The following SNED1 variants were observed in gnomAD, a reference collection of about 807,000 sequenced individuals.
SNED1 encodes sushi, nidogen and EGF like domains 1.
In SNED1, 81 loss-of-function variants were observed where a neutral mutation model predicts 166.7. The observed-to-expected ratio is 0.49, with a 90% CI of 0.41 to 0.58. The LOEUF (loss-of-function observed/expected upper bound fraction) is 0.58, where lower values mean the gene tolerates loss of function less well. SNED1 is among the 20% of genes least tolerant of loss of function. The pLI, the probability that SNED1 is intolerant of heterozygous loss-of-function variation, is 0.00. For missense variants in SNED1, 1,604 were observed against 2,000.2 expected (o/e 0.80, Z 3.78); for synonymous variants, 762 against 822.0 (o/e 0.93, Z 1.25).
intron 27 of SNED1, among the ~76,000 whole-genome samples, chr2:241,078,200 C>T (rs912280330): frequency 9.3e-5 from 14 of 151,238 alleles, no homozygotes; most frequent in Admixed American, 5.9e-4. Context: ...CTGGCCAACG[C>T]GGTGAAACCC....
intron 1 of SNED1, among the ~76,000 whole-genome samples, chr2:241,019,611 G>A (rs1433784686): frequency 6.6e-6 from 1 of 152,194 alleles, no homozygotes; most frequent in Non-Finnish European, 1.5e-5. Context: ...GGCGGCACAG[G>A]GTCCCTGTCA....
At chr2:241,067,249 A>G (rs2062493850) in intron 21 of SNED1, among the ~76,000 whole-genome samples, 1 of 152,226 alleles carries the variant, frequency 6.6e-6, no homozygotes, top group African/African-American at 2.4e-5. Context: ...GTGCATCAGC[A>G]GTGGCACTGG....
intron 1 of SNED1, among the ~76,000 whole-genome samples, chr2:241,020,792 C>T (rs1299766719): frequency 1.3e-5 from 2 of 152,124 alleles, no homozygotes; most frequent in Non-Finnish European, 2.9e-5. Flanking sequence ...CCTCTCGACT[C>T]CAGCAGGCTT....
intron 2 of SNED1, chr2:241,033,522 C>T: frequency 1.8e-6 from 1 of 548,112 alleles, no homozygotes; most frequent in Non-Finnish European, 3.2e-6. Flanking sequence ...TTGTGGGTTG[C>T]AGACGGCCTC....
chr2:241,036,781 T>C lies in SNED1; in HGVS notation c.806-9T>C. The C allele has an allele frequency of 1.9e-6, 3 of 1,606,694 alleles. No homozygotes were observed. The highest frequency in any genetic ancestry group is 2.5e-6 in the Non-Finnish European group (3 of 1,179,534). ...CGGCTGAGGCTCCAGCCCCTCCCTA[T>C]GTCTGCAGCGTCCGTGTGCCTGGCC... On this transcript the variant is annotated splice_polypyrimidine_tract_variant and intron_variant, in intron 4 of 31. Transcript: ENST00000310397.
Position 241,012,597 on chromosome 2 carries a change from ATTG to A in SNED1, c.213+13556_213+13558del, listed in dbSNP as rs1047649934. Among the ~76,000 whole-genome samples, 15 of 152,274 alleles carry A rather than the reference ATTG, an allele frequency of 9.9e-5. No individual in the cohort carries two copies. In the East Asian group the frequency reaches 1.2e-3, roughly 12 times the overall value. ...ACAGTGGTACACATTTGGGTCTGCT[ATTG>A]TTGTTGTTTTAATTGAATTTTTCCA... On this transcript the variant is annotated intron_variant, in intron 1 of 31. Coordinates refer to ENST00000310397, the MANE Select transcript of SNED1 (RefSeq NM_001080437.3).
chr2:241,053,740 A>G (rs1477768822), intron 16 of SNED1, among the ~76,000 whole-genome samples: 1 of 152,058 alleles, frequency 6.6e-6, no homozygotes, highest in Non-Finnish European at 1.5e-5. Context: ...CCCTGCAGGC[A>G]TTTGAGGAGT....
chr2:241,018,227 C>G lies in SNED1; in HGVS notation c.214-12057C>G, dbSNP rs2060659280. 6.6e-6 allele frequency among the ~76,000 whole-genome samples: 1 copy of G among 152,254 alleles called. No homozygotes were observed. Among genetic ancestry groups the G allele is most frequent in the Non-Finnish European group, 1.5e-5 (1 of 68,048 alleles). On this transcript the variant is annotated intron_variant, in intron 1 of 31. Transcript: ENST00000310397. The surrounding 1 kb of genome is among the most constrained non-coding windows in gnomAD (Gnocchi z 5.4). Reference sequence around the variant, plus strand: ...GCTTTGGTCACCATACACGACGTAACCCACAGGCGCTCAGATGACGGGGAA... The same window carrying G: ...GCTTTGGTCACCATACACGACGTAAGCCACAGGCGCTCAGATGACGGGGAA...
intron 8 of SNED1, among the ~76,000 whole-genome samples, chr2:241,041,697 C>T (rs983780492): frequency 6.6e-6 from 1 of 151,796 alleles, no homozygotes; most frequent in African/African-American, 2.4e-5. Flanking sequence ...TAAAAAAAAA[C>T]AAAAGAGGAA....
In SNED1 at chr2:241,036,839, C is replaced by T; in HGVS notation, c.855C>T (p.Ile285=). The T allele has an allele frequency of 2.5e-6, 4 of 1,611,382 alleles. No homozygotes were observed. Among genetic ancestry groups the T allele is most frequent in the Non-Finnish European group, 3.4e-6 (4 of 1,179,682 alleles). ...LRPCLNGGKC[I]DDCVTGNPSY... is the part of the protein sequence containing the mutation. Reference sequence around the variant, plus strand: ...CCTGCCTCAACGGCGGCAAGTGCATCGACGACTGCGTCACGGGCAACCCCT... The same window carrying T: ...CCTGCCTCAACGGCGGCAAGTGCATTGACGACTGCGTCACGGGCAACCCCT... Residue 285 remains isoleucine, a synonymous_variant, in exon 5 of 32, where the codon ATC becomes ATT. Transcript: ENST00000310397.
At chr2:241,090,093 C>T (rs937015258) in intron 31 of SNED1, 1 of 1,505,946 alleles carries the variant, frequency 6.6e-7, no homozygotes, top group African/African-American at 1.4e-5. Flanking sequence ...TTACTTTATA[C>T]ATTTTTAATT....
intron 1 of SNED1, chr2:241,010,041 T>G (rs1003460217): frequency 6.6e-6 from 1 of 152,274 alleles, no homozygotes; most frequent in Admixed American, 6.5e-5. Flanking sequence ...ATAAAAGACA[T>G]GCCTGCATTT....
chr2:240,998,994 C>A lies in SNED1; in HGVS notation c.157C>A (p.Leu53Met). The A allele has an allele frequency of 7.5e-7, 1 of 1,326,900 alleles. No individual in the cohort carries two copies. Among genetic ancestry groups the A allele is most frequent in the Non-Finnish European group, 9.7e-7 (1 of 1,035,196 alleles). 82.2% of individuals were successfully genotyped at this position (1,326,900 alleles called of 1,614,324 possible). The change falls in exon 1 of 32, where the codon CTG (leucine) becomes ATG (methionine). Residue 53 changes from leucine (L) to methionine (M), a missense_variant. Physicochemically the swap from Leu to Met is conservative, Grantham distance 15 (BLOSUM62 2). Transcript: ENST00000310397. ...CAAGCAGGACGACGGCGGCTCGGGG[C>A]TGCGGCCGCTCTCGGTGCCCTTCCC... ...TPKQDDGGSG[L>M]RPLSVPFPFF...
At position 241,070,078 on chromosome 2, in the gene SNED1, C is replaced by G; in HGVS notation, c.3466C>G (p.Leu1156Val). 2 of 1,613,132 alleles carry G rather than the reference C, an allele frequency of 1.2e-6. No homozygotes were observed. The highest frequency in any genetic ancestry group is 1.7e-6 in the Non-Finnish European group (2 of 1,179,894). The change falls in exon 24 of 32, where the codon CTG becomes GTG. Residue 1156 changes from leucine (L) to valine (V), a missense_variant. This residue lies in a region of SNED1 where 367 missense variants were observed against 379.4 expected (regional missense o/e 0.97). Coordinates refer to ENST00000310397, the MANE Select transcript of SNED1 (RefSeq NM_001080437.3). Reference protein sequence around the residue: ...TKSRYVPNGKLASYTVRDLLP... With the variant: ...TKSRYVPNGKVASYTVRDLLP... ...GAGCCGCTATGTCCCCAACGGGAAG[C>G]TGGCGTCCTACACGGTGCGCGACCT...
chr2:240,998,915 G>T lies in SNED1; in HGVS notation c.78G>T (p.Val26=). The T allele has an allele frequency of 8.0e-7, 1 of 1,245,910 alleles. No individual in the cohort carries two copies. The highest frequency in any genetic ancestry group is 1.0e-6 in the Non-Finnish European group (1 of 994,622). The allele number at this position is 1,245,910 out of a possible 1,614,324, so 77.2% of individuals were successfully genotyped here. A position where few individuals can be genotyped will look rare whatever the true frequency, so the allele number is the denominator to read the frequency against. ...GLGARGVRGA[V]ALADFYPFGA... is the part of the protein sequence containing the mutation. The stretch of plus-strand genomic sequence containing the variant: ...GGGCGCGCGGGGTGCGCGGCGCGGT[G>T]GCCCTTGCCGACTTCTACCCGTTCG... The change falls in exon 1 of 32, where the codon GTG becomes GTT. Residue 26 remains valine, a synonymous_variant. Transcript: ENST00000310397.
chr2:241,002,379 C>T (rs1574829176), intron 1 of SNED1, among the ~76,000 whole-genome samples: 1 of 152,214 alleles, frequency 6.6e-6, no homozygotes, highest in Admixed American at 6.5e-5. Context: ...AATGCAGGAG[C>T]CCCTTGGCTG....
rs1356300900 is a variant in SNED1, at chr2:241,049,082, A to G, written c.1565A>G (p.Glu522Gly). ...TQCPDGGYCM[E>G]HGGSYLCVCH... ...TGCCCAGATGGGGGCTACTGCATGG[A>G]GCACGGCGGGAGCTACCTCTGCGTC... Residue 522 changes from glutamate (E) to glycine (G), a missense_variant, in exon 11 of 32, where the codon GAG becomes GGG. Glu to Gly is a moderately conservative substitution (Grantham distance 98). Transcript: ENST00000310397. 1.2e-6 allele frequency: 2 copies of G among 1,613,412 alleles called. No homozygotes were observed. Among genetic ancestry groups the G allele is most frequent in the African/African-American group, 2.7e-5 (2 of 74,928 alleles).
At chr2:240,998,045 G>C (rs2059966615), upstream of SNED1, among the ~76,000 whole-genome samples, 1 of 152,246 alleles carries the variant, frequency 6.6e-6, no homozygotes, top group African/African-American at 2.4e-5. Context: ...CGGAGGGTTT[G>C]CTTTACCCAG....
At chr2:241,080,832 C>T (rs1169314561) in intron 27 of SNED1, among the ~76,000 whole-genome samples, 1 of 152,238 alleles carries the variant, frequency 6.6e-6, no homozygotes, top group Non-Finnish European at 1.5e-5. Context: ...GGAGCCTTCA[C>T]GCTGCCGTGC....
Sources: allele counts gnomAD v4.1 joint callset (sites outside exome capture counted in the v4.1 genomes callset), GRCh38; gene constraint gnomAD v4.1.1; regional missense constraint gnomAD v4.1.1; non-coding constraint Gnocchi (gnomAD v3.1); transcripts MANE v1.5; gene names NCBI Gene and HGNC (gene_info 2026-07-23, HGNC 2026-07-21).